Variants in TPD52 observed in about 807,000 individuals in gnomAD.
The protein encoded by TPD52 is prostate and colon associated protein.
Under a neutral mutation model 31.3 loss-of-function variants are expected in TPD52, and 17 were observed. The ratio of observed to expected loss-of-function variants is 0.54; its 90% CI spans 0.37 to 0.82. The LOEUF is 0.82. Among genes scored for constraint, TPD52 ranks in the 40% least tolerant of loss-of-function variants. The probability of loss-of-function intolerance (pLI) is 0.00; values close to 1 mark genes in which losing one functional copy is unlikely to be tolerated. For missense variants in TPD52, 212 were observed against 240.1 expected (o/e 0.88, Z 0.77); for synonymous variants, 83 against 89.6 (o/e 0.93, Z 0.42).
chr8:80,076,562 G>A (rs986156344), intron 1 of TPD52, among the ~76,000 whole-genome samples: 14 of 152,154 alleles, frequency 9.2e-5, no homozygotes, highest in African/African-American at 3.4e-4. Flanking sequence ...TCACTACTGT[G>A]TATCAGGTTT....
At chr8:80,168,334 G>A (rs945765540) in intron 1 of TPD52, among the ~76,000 whole-genome samples, 1 of 152,208 alleles carries the variant, frequency 6.6e-6, no homozygotes, top group Non-Finnish European at 1.5e-5. Context: ...AAGAAGGTTG[G>A]AAGAGGGATT....
chr8:80,167,185 C>G (rs1259188846), intron 1 of TPD52, among the ~76,000 whole-genome samples: 1 of 152,130 alleles, frequency 6.6e-6, no homozygotes, highest in Non-Finnish European at 1.5e-5. Context: ...GGTTTCAGTA[C>G]AGCTGGTACC....
intron 1 of TPD52, among the ~76,000 whole-genome samples, chr8:80,102,552 G>A (rs1344278858): frequency 6.6e-6 from 1 of 152,142 alleles, no homozygotes; most frequent in Non-Finnish European, 1.5e-5. Context: ...GGCTACAGAG[G>A]GTAGCAGAAA....
intron 1 of TPD52, among the ~76,000 whole-genome samples, chr8:80,090,379 A>T (rs1042647831): frequency 6.6e-6 from 1 of 152,164 alleles, no homozygotes; most frequent in African/African-American, 2.4e-5. Context: ...AAAAACAAAT[A>T]AATAAAGTTT....
At chr8:80,112,178 T>C (rs1456751313) in intron 1 of TPD52, among the ~76,000 whole-genome samples, 2 of 152,212 alleles carry the variant, frequency 1.3e-5, no homozygotes, top group Non-Finnish European at 2.9e-5. Context: ...ATACAAACAA[T>C]TGTAGCTAAC....
chr8:80,071,038 T>C (rs897202942), intron 1 of TPD52, among the ~76,000 whole-genome samples: 2 of 151,970 alleles, frequency 1.3e-5, no homozygotes, highest in Admixed American at 6.6e-5. Context: ...CACGCAGAGA[T>C]TGGGGTGACA....
intron 2 of TPD52, among the ~76,000 whole-genome samples, chr8:80,060,077 T>A: frequency 7.5e-6 from 1 of 133,710 alleles, no homozygotes; most frequent in South Asian, 2.3e-4. Context: ...AGAGCAAGAC[T>A]CCATCTCAAA....
intron 1 of TPD52, among the ~76,000 whole-genome samples, chr8:80,111,266 T>C (rs1807479254): frequency 6.6e-6 from 1 of 152,216 alleles, no homozygotes; most frequent in Non-Finnish European, 1.5e-5. Flanking sequence ...TAAGTTTTTC[T>C]TTAACCACTG....
intron 1 of TPD52, among the ~76,000 whole-genome samples, chr8:80,141,708 G>A (rs1462814962): frequency 1.3e-5 from 2 of 152,060 alleles, no homozygotes; most frequent in African/African-American, 2.4e-5. Context: ...TCAGGAGATC[G>A]AGACCATCCT....
intron 1 of TPD52, among the ~76,000 whole-genome samples, chr8:80,140,456 T>C (rs1023860978): frequency 5.3e-5 from 8 of 152,340 alleles, no homozygotes; most frequent in African/African-American, 1.9e-4. Flanking sequence ...TTAACTCTTT[T>C]TTCAGACATA....
chr8:80,112,656 G>A (rs7011759), intron 1 of TPD52, among the ~76,000 whole-genome samples: 67,418 of 151,748 alleles, frequency 0.44, 15,436 homozygotes, highest in East Asian at 0.79. Context: ...TATAAACCAA[G>A]TGGAAAAAAA....
chr8:80,166,889 G>A (rs1007087121), intron 1 of TPD52, among the ~76,000 whole-genome samples: 9 of 152,102 alleles, frequency 5.9e-5, no homozygotes, highest in Non-Finnish European at 1.3e-4. Flanking sequence ...CTGGGTGGCA[G>A]AGCGAGACAC....
chr8:80,101,477 A>G (rs1020659856), intron 1 of TPD52, among the ~76,000 whole-genome samples: 2 of 143,914 alleles, frequency 1.4e-5, no homozygotes, highest in Non-Finnish European at 3.0e-5. Flanking sequence ...AAAAAAAAAA[A>G]GAATTAAGCA....
chr8:80,120,861 C>T (rs2098900), intron 1 of TPD52, among the ~76,000 whole-genome samples: 56,673 of 151,838 alleles, frequency 0.37, 11,442 homozygotes, highest in East Asian at 0.71. Flanking sequence ...GAGCAGATCA[C>T]CTGAGGCCAG....
intron 1 of TPD52, among the ~76,000 whole-genome samples, chr8:80,150,812 G>A (rs1810519705): frequency 6.7e-6 from 1 of 150,254 alleles, no homozygotes; most frequent in South Asian, 2.2e-4. Context: ...GATTTTACAG[G>A]CTCATAGGTG....
intron 3 of TPD52, 34 bp downstream of exon 3, chr8:80,053,248 C>T (rs1811546314): frequency 6.2e-7 from 1 of 1,607,822 alleles, no homozygotes; most frequent in Non-Finnish European, 8.5e-7. Flanking sequence ...GTCCTTTACA[C>T]TCCCAAGGAA....
Position 80,128,510 on chromosome 8 carries a change from A to AC in TPD52, c.19+42914_19+42915insG, listed in dbSNP as rs1165049263. Among the ~76,000 whole-genome samples, 235 of 150,232 alleles carry AC rather than the reference A, an allele frequency of 1.6e-3. 3 individuals carry two copies. The highest frequency in any genetic ancestry group is 3.0e-3 in the Non-Finnish European group (205 of 67,634). On this transcript the variant is annotated intron_variant, in intron 1 of 7. Transcript: ENST00000518937. ...CTGTCTCTACAAAAAAAAAAAAAAA[A>AC]AATGCTGGGCATGGTGGTACACACC... is the stretch of plus-strand genomic sequence containing the variant.
At chr8:80,141,063 G>A (rs1425276034) in intron 1 of TPD52, among the ~76,000 whole-genome samples, 2 of 151,858 alleles carry the variant, frequency 1.3e-5, no homozygotes, top group Non-Finnish European at 2.9e-5. Context: ...GATCATCTGT[G>A]GCTCTGTGCA....
At chr8:80,070,092 C>G (rs1268971200) in intron 1 of TPD52, among the ~76,000 whole-genome samples, 1 of 152,280 alleles carries the variant, frequency 6.6e-6, no homozygotes, top group Non-Finnish European at 1.5e-5. Context: ...CATACTTTCA[C>G]AAATTTCAAC....
Sources: gnomAD v4.1 joint callset for allele counts (sites outside exome capture counted in the v4.1 genomes callset) on GRCh38, gnomAD v4.1.1 for gene constraint, MANE v1.5 for transcripts, NCBI Gene and HGNC (gene_info 2026-07-23, HGNC 2026-07-21) for gene names.